Variants in METTL25 observed in about 807,000 individuals in gnomAD.
METTL25 encodes probable methyltransferase-like protein 25.
METTL25 carries 64 observed loss-of-function variants against 71.6 expected under a neutral mutation model. That is an observed-to-expected ratio of 0.89 (90% CI 0.73 to 1.10). The LOEUF is 1.10. Ranked by LOEUF, METTL25 falls within the 50% of genes least tolerant of loss-of-function variation. The pLI is 0.00. For synonymous variants in METTL25, 287 were observed against 250.3 expected, an observed-to-expected ratio of 1.15 and a Z score of -1.38; for missense variants, 807 against 707.0, an observed-to-expected ratio of 1.14 and a Z score of -1.60.
intron 4 of METTL25, among the ~76,000 whole-genome samples, chr12:82,401,183 A>C (rs1886591432): frequency 6.6e-6 from 1 of 151,980 alleles, no homozygotes; most frequent in African/African-American, 2.4e-5. Context: ...TTTTTTTAGT[A>C]AGTTTGATTA....
At chr12:82,406,154 T>C (rs930667987) in intron 5 of METTL25, among the ~76,000 whole-genome samples, 1 of 152,140 alleles carries the variant, frequency 6.6e-6, no homozygotes, top group Non-Finnish European at 1.5e-5. Context: ...TTCCACTCTG[T>C]GCTTAGTGGT....
In METTL25 at chr12:82,436,964, A is replaced by G. The variant is rs553335123; in HGVS notation, c.1405-1754A>G. 4.6e-5 allele frequency among the ~76,000 whole-genome samples: 7 copies of G among 151,784 alleles called. No individual in the cohort carries two copies. The East Asian group carries it at 1.4e-3, about 29-fold the overall frequency. ...TCAATAAAATGTTATAGGAATAGGT[A>G]TTAATATTGAAAATGTATTTCAGCA... On this transcript the variant is annotated intron_variant, in intron 7 of 11. Coordinates refer to ENST00000248306, the MANE Select transcript of METTL25 (RefSeq NM_032230.3).
intron 9 of METTL25, among the ~76,000 whole-genome samples, chr12:82,471,046 G>T (rs540031625): frequency 3.9e-5 from 6 of 152,256 alleles, no homozygotes; most frequent in African/African-American, 1.2e-4. Flanking sequence ...TTCTGCAGAG[G>T]TCTAAGAAAC....
intron 1 of METTL25, among the ~76,000 whole-genome samples, chr12:82,379,110 A>G (rs545270802): frequency 9.8e-4 from 150 of 152,320 alleles, no homozygotes; most frequent in Non-Finnish European, 1.7e-3. Flanking sequence ...CTAGGTCCAG[A>G]TCAAGATATA....
chr12:82,430,826 A>T lies in METTL25; in HGVS notation c.1280-67A>T, dbSNP rs1397538866. The T allele has an allele frequency of 1.9e-5, 16 of 840,166 alleles. No individual in the cohort carries two copies. The Admixed American group carries it at 3.5e-4, about 18-fold the overall frequency. 52.0% of individuals were successfully genotyped at this position (840,166 alleles called of 1,614,324 possible). A position where few individuals can be genotyped will look rare whatever the true frequency, so the allele number is the denominator to read the frequency against. Reference sequence around the variant, plus strand: ...AATGACTGATTTGCTTTCTTGGTAGATTATTTATTTTAACTGAAAAAGAAA... The same window carrying T: ...AATGACTGATTTGCTTTCTTGGTAGTTTATTTATTTTAACTGAAAAAGAAA... On this transcript the variant is annotated intron_variant, in intron 5 of 11. Coordinates refer to ENST00000248306, the MANE Select transcript of METTL25 (RefSeq NM_032230.3).
Position 82,438,717 on chromosome 12 carries a change from GCTGCCTA to G in METTL25, c.1408_1414del (p.Pro470AsnfsTer44). 6.9e-7 allele frequency: 1 copy of G among 1,459,622 alleles called. No individual in the cohort carries two copies. Among genetic ancestry groups the G allele is most frequent in the South Asian group, 1.5e-5 (1 of 65,924 alleles). 90.4% of individuals were successfully genotyped at this position (1,459,622 alleles called of 1,614,324 possible). ...CTTATATATGTCTACATTTTTTTCA[GCTGCCTA>G]CTGAATCACTCTTCTATCGTGCTGT... On this transcript the variant is annotated frameshift_variant and splice_region_variant, in exon 8 of 12. Transcript: ENST00000248306. LOFTEE classifies it high-confidence loss of function.
chr12:82,358,779 C>G lies in METTL25; in HGVS notation c.214C>G (p.Leu72Val), dbSNP rs1288656722. Residue 72 changes from leucine (L) to valine (V), a missense_variant, in exon 1 of 12, where the codon CTG becomes GTG. Coordinates refer to ENST00000248306, the MANE Select transcript of METTL25 (RefSeq NM_032230.3). ...LRKSASETEALPSETRPLVEA... is the reference protein window; with the variant it reads ...LRKSASETEAVPSETRPLVEA... ...GAAGTCAGCGTCGGAGACGGAGGCCCTGCCCTCAGAGACGCGCCCCCTAGT... is the reference window on the plus strand; with the variant it reads ...GAAGTCAGCGTCGGAGACGGAGGCCGTGCCCTCAGAGACGCGCCCCCTAGT... 1 of 1,613,780 alleles carries G rather than the reference C, an allele frequency of 6.2e-7. No individual in the cohort carries two copies. Among genetic ancestry groups the G allele is most frequent in the Non-Finnish European group, 8.5e-7 (1 of 1,179,914 alleles).
At position 82,358,603 on chromosome 12, in the gene METTL25, T is replaced by A; in HGVS notation, c.38T>A (p.Leu13Gln). The stretch of plus-strand genomic sequence containing the variant: ...TGCCCTCTCCCGGTGACCCCGGACC[T>A]GCCCACGCTGCGTGCCAAGTTGCAG... ...ASCPLPVTPD[L>Q]PTLRAKLQGL... The change falls in exon 1 of 12, where the codon CTG becomes CAG. Residue 13 changes from leucine to glutamine, a missense_variant. Coordinates refer to ENST00000248306, the MANE Select transcript of METTL25 (RefSeq NM_032230.3). 2 of 1,613,380 alleles carry A rather than the reference T, an allele frequency of 1.2e-6. No homozygotes were observed. Among genetic ancestry groups the A allele is most frequent in the Non-Finnish European group, 1.7e-6 (2 of 1,180,030 alleles).
chr12:82,358,795 G>C lies in METTL25; in HGVS notation c.230G>C (p.Arg77Pro), dbSNP rs201805528. Residue 77 changes from arginine to proline, a missense_variant, in exon 1 of 12, where the codon CGC (arginine) becomes CCC (proline). Arg to Pro is a moderately radical substitution (Grantham distance 103). Coordinates refer to ENST00000248306, the MANE Select transcript of METTL25 (RefSeq NM_032230.3). ...ACGGAGGCCCTGCCCTCAGAGACGC[G>C]CCCCCTAGTGGAAGCAGAGTGGGAA... Reference protein sequence around the residue: ...SETEALPSETRPLVEAEWEAG... With the variant: ...SETEALPSETPPLVEAEWEAG... 2 of 1,613,316 alleles carry C rather than the reference G, an allele frequency of 1.2e-6. No individual in the cohort carries two copies. The highest frequency in any genetic ancestry group is 2.2e-5 in the South Asian group (2 of 91,062).
At chr12:82,422,510 A>G (rs942483539) in intron 5 of METTL25, among the ~76,000 whole-genome samples, 3 of 151,960 alleles carry the variant, frequency 2.0e-5, no homozygotes, top group African/African-American at 7.3e-5. Flanking sequence ...CTCTCTCACC[A>G]CTCCTATTCA....
chr12:82,424,009 C>T (rs1156988380), intron 5 of METTL25, among the ~76,000 whole-genome samples: 1 of 152,096 alleles, frequency 6.6e-6, no homozygotes, highest in Non-Finnish European at 1.5e-5. Context: ...CTAGAAATAC[C>T]ATTTGACCCA....
At chr12:82,359,885 A>G (rs905265003) in intron 1 of METTL25, among the ~76,000 whole-genome samples, 2 of 152,252 alleles carry the variant, frequency 1.3e-5, no homozygotes, top group Non-Finnish European at 2.9e-5. Flanking sequence ...GGGACCTCTT[A>G]TAATAGCACT....
At chr12:82,421,600 C>A (rs10746251) in intron 5 of METTL25, among the ~76,000 whole-genome samples, 140,069 of 152,058 alleles carry the variant, frequency 0.92, 64,863 homozygotes, top group East Asian at 1. Context: ...ATAGAGAAGC[C>A]AAAAACCCTT....
At position 82,379,277 on chromosome 12, in the gene METTL25, G is replaced by GA. The variant is rs151186571; in HGVS notation, c.260-7524dup. ...TGTATCTTTGGTCAGAAAAAGAGAAGAACAGAGGTTGATATCAATTCAAAG... is the reference window on the plus strand; with the variant it reads ...TGTATCTTTGGTCAGAAAAAGAGAAGAAACAGAGGTTGATATCAATTCAAAG... On this transcript the variant is annotated intron_variant, in intron 1 of 11. Transcript: ENST00000248306. Among the ~76,000 whole-genome samples the GA allele has an allele frequency of 7.1e-3, 1,080 of 152,128 alleles. 12 individuals are homozygous for GA. The highest frequency in any genetic ancestry group is 0.025 in the African/African-American group (1,031 of 41,492).
chr12:82,390,688 A>C (rs1885488051), intron 3 of METTL25, among the ~76,000 whole-genome samples: 1 of 152,088 alleles, frequency 6.6e-6, no homozygotes, highest in Non-Finnish European at 1.5e-5. Context: ...TTGCAGAGCC[A>C]CTTGTGGCAA....
At chr12:82,433,667 T>C (rs1421940394) in intron 6 of METTL25, among the ~76,000 whole-genome samples, 1 of 151,642 alleles carries the variant, frequency 6.6e-6, no homozygotes, top group Non-Finnish European at 1.5e-5. Context: ...CTTATCTTGA[T>C]AGTGATCTTG....
At chr12:82,468,072 C>T (rs1036324201) in intron 9 of METTL25, among the ~76,000 whole-genome samples, 1 of 151,846 alleles carries the variant, frequency 6.6e-6, no homozygotes, top group African/African-American at 2.4e-5. Context: ...AAGTCCTTTC[C>T]TACACCAGCA....
At chr12:82,471,037 T>G (rs1387796728) in intron 9 of METTL25, among the ~76,000 whole-genome samples, 1 of 152,198 alleles carries the variant, frequency 6.6e-6, no homozygotes, top group African/African-American at 2.4e-5. Context: ...TCAACACTGT[T>G]CTGCAGAGGT....
intron 11 of METTL25, among the ~76,000 whole-genome samples, chr12:82,478,400 TAAA>T (rs975542907): frequency 1.3e-5 from 2 of 151,764 alleles, no homozygotes; most frequent in African/African-American, 4.8e-5. Context: ...GGATATATAA[TAAA>T]GAAAATTAAG....
Sources: allele counts gnomAD v4.1 joint callset (sites outside exome capture counted in the v4.1 genomes callset), GRCh38; gene constraint gnomAD v4.1.1; transcripts MANE v1.5; gene names NCBI Gene and HGNC (gene_info 2026-07-23, HGNC 2026-07-21).